Variants in EXOC6B observed in about 807,000 individuals in gnomAD.
EXOC6B encodes the protein SEC15 homolog B.
A neutral mutation model predicts 113.5 loss-of-function variants in EXOC6B; 54 were observed. The observed-to-expected ratio is 0.48, with a 90% CI of 0.38 to 0.60. EXOC6B has a LOEUF of 0.60. Among genes scored for constraint, EXOC6B ranks in the 20% least tolerant of loss-of-function variants. The pLI is 0.00. For missense variants in EXOC6B, 797 were observed against 977.5 expected, an observed-to-expected ratio of 0.82 and a Z score of 2.46; for synonymous variants, 357 against 339.0, an observed-to-expected ratio of 1.05 and a Z score of -0.58.
intron 6 of EXOC6B, among the ~76,000 whole-genome samples, chr2:72,579,879 C>T (rs967298830): frequency 6.6e-6 from 1 of 151,996 alleles, no homozygotes; most frequent in African/African-American, 2.4e-5. Flanking sequence ...GCTTCAATAA[C>T]AGGGGAGAAA....
In EXOC6B at chr2:72,726,999, G is replaced by A. The variant is rs1259447280; in HGVS notation, c.464+4008C>T. ...TGAAAGTTTTCGGAGGATGTGTATA[G>A]GTTGTACGCAAATACCATGCCATTT... On this transcript the variant is annotated intron_variant, in intron 5 of 21. Coordinates refer to ENST00000272427, the MANE Select transcript of EXOC6B (RefSeq NM_015189.3). 4.6e-5 allele frequency among the ~76,000 whole-genome samples: 7 copies of A among 152,134 alleles called. No homozygotes were observed. In the East Asian group the frequency reaches 1.2e-3, roughly 25 times the overall value.
Position 72,335,106 on chromosome 2 carries a change from A to G in EXOC6B, c.2123-86T>C. On this transcript the variant is annotated intron_variant, in intron 19 of 21. Transcript: ENST00000272427. ...AGACGGATGACAGGGAAGACAAGAG[A>G]AGCTGGGGGAGAGGAGGACCAAGCT... 6 of 1,227,110 alleles carry G rather than the reference A, an allele frequency of 4.9e-6. No homozygotes were observed. In the South Asian group the frequency reaches 6.1e-5, roughly 12 times the overall value. 76.0% of individuals were successfully genotyped at this position (1,227,110 alleles called of 1,614,324 possible).
At chr2:72,409,332 G>A (rs1260699825) in intron 18 of EXOC6B, among the ~76,000 whole-genome samples, 8 of 152,116 alleles carry the variant, frequency 5.3e-5, no homozygotes, top group Admixed American at 1.3e-4. Context: ...ATCTAGAACT[G>A]TAAATACCAT....
chr2:72,281,647 A>C (rs142350838), intron 20 of EXOC6B, among the ~76,000 whole-genome samples: 1 of 152,194 alleles, frequency 6.6e-6, no homozygotes, highest in Non-Finnish European at 1.5e-5. Flanking sequence ...ATACAGTCCC[A>C]GTGGAAGATG....
intron 6 of EXOC6B, among the ~76,000 whole-genome samples, chr2:72,628,968 TATA>T (rs1208625954): frequency 6.6e-6 from 1 of 152,208 alleles, no homozygotes; most frequent in Non-Finnish European, 1.5e-5. Flanking sequence ...ATCCATGTAA[TATA>T]ATATTACCCT....
At chr2:72,342,036 A>G (rs1385798284) in intron 19 of EXOC6B, among the ~76,000 whole-genome samples, 1 of 152,168 alleles carries the variant, frequency 6.6e-6, no homozygotes, top group Non-Finnish European at 1.5e-5. Context: ...ATATATTAAG[A>G]CAAATAAAAA....
chr2:72,268,182 C>T (rs1684254495), intron 20 of EXOC6B, among the ~76,000 whole-genome samples: 1 of 152,150 alleles, frequency 6.6e-6, no homozygotes, highest in Non-Finnish European at 1.5e-5. Flanking sequence ...ATGATCTTGG[C>T]TCACTGCAAG....
chr2:72,742,741 C>G (rs1573724404), intron 1 of EXOC6B, among the ~76,000 whole-genome samples: 1 of 152,104 alleles, frequency 6.6e-6, no homozygotes, highest in South Asian at 2.1e-4. Flanking sequence ...CCGAAGTATT[C>G]CTAAAATCTC....
intron 20 of EXOC6B, among the ~76,000 whole-genome samples, chr2:72,209,223 C>CAAAAAAAAA (rs1170760516): frequency 1.1e-4 from 6 of 57,090 alleles, no homozygotes; most frequent in Admixed American, 7.0e-4. Flanking sequence ...AACTCAGTCT[C>CAAAAAAAAA]AAAAAAAAAA....
chr2:72,450,316 T>TTTAAGC (rs1696835172), intron 18 of EXOC6B, among the ~76,000 whole-genome samples: 2 of 152,160 alleles, frequency 1.3e-5, no homozygotes, highest in Non-Finnish European at 2.9e-5. Context: ...ACTAAAAGCA[T>TTTAAGC]TTAAGCCAAA....
chr2:72,543,627 G>C (rs1702738394), intron 8 of EXOC6B, among the ~76,000 whole-genome samples: 1 of 152,132 alleles, frequency 6.6e-6, no homozygotes, highest in Non-Finnish European at 1.5e-5. Flanking sequence ...AGAGCAATAT[G>C]ACAATTATGA....
At chr2:72,548,193 T>C (rs770585100) in intron 8 of EXOC6B, among the ~76,000 whole-genome samples, 1 of 152,160 alleles carries the variant, frequency 6.6e-6, no homozygotes, top group Non-Finnish European at 1.5e-5. Context: ...CTGTTTGATA[T>C]TGTACTTCAC....
At chr2:72,407,466 A>G (rs936397147) in intron 18 of EXOC6B, among the ~76,000 whole-genome samples, 6 of 152,240 alleles carry the variant, frequency 3.9e-5, no homozygotes, top group African/African-American at 1.2e-4. Context: ...AAAATCCTCA[A>G]TAAAATACTG....
chr2:72,261,232 G>A (rs1028025784), intron 20 of EXOC6B, among the ~76,000 whole-genome samples: 1 of 152,202 alleles, frequency 6.6e-6, no homozygotes, highest in Admixed American at 6.5e-5. Context: ...TGTGCTTGGA[G>A]GGAGGCGGAA....
intron 15 of EXOC6B, among the ~76,000 whole-genome samples, chr2:72,494,268 T>C (rs1488554508): frequency 3.3e-5 from 5 of 152,056 alleles, no homozygotes; most frequent in African/African-American, 1.2e-4. Context: ...TTATCTACAA[T>C]AATATACCTA....
At chr2:72,265,391 T>C (rs1212407151) in intron 20 of EXOC6B, among the ~76,000 whole-genome samples, 1 of 149,246 alleles carries the variant, frequency 6.7e-6, no homozygotes, top group African/African-American at 2.5e-5. Context: ...CTCCTAATGC[T>C]ATCCCTCCCC....
rs1417263121 is a variant in EXOC6B at position 72,685,320 on chromosome 2, T to C, written c.669+32783A>G. Among the ~76,000 whole-genome samples the C allele has an allele frequency of 2.6e-5, 4 of 152,340 alleles. No individual in the cohort carries two copies. The East Asian group carries it at 7.7e-4, about 29-fold the overall frequency. ...TGCTCAGTCTCCAGATATAGTCTCA[T>C]TTTGTGGCAAGCAAAGTCAATTTCC... On this transcript the variant is annotated intron_variant, in intron 6 of 21. Coordinates refer to ENST00000272427, the MANE Select transcript of EXOC6B (RefSeq NM_015189.3).
intron 20 of EXOC6B, among the ~76,000 whole-genome samples, chr2:72,249,348 G>A (rs919189349): frequency 2.0e-5 from 3 of 152,074 alleles, no homozygotes; most frequent in African/African-American, 7.2e-5. Flanking sequence ...CAAGCCTCCC[G>A]GGTTCACGTC....
At chr2:72,185,333 T>A (rs919288800) in intron 20 of EXOC6B, among the ~76,000 whole-genome samples, 7 of 152,256 alleles carry the variant, frequency 4.6e-5, no homozygotes, top group Admixed American at 3.9e-4. Context: ...CACACCTTCC[T>A]CCATGTCTGT....
Sources: gnomAD v4.1 joint callset for allele counts (sites outside exome capture counted in the v4.1 genomes callset) on GRCh38, gnomAD v4.1.1 for gene constraint, MANE v1.5 for transcripts, NCBI Gene and HGNC (gene_info 2026-07-23, HGNC 2026-07-21) for gene names.